ADAMTSL1: variants seen among roughly 807,000 people sequenced by gnomAD.
ADAMTSL1 encodes the protein ADAMTS-like protein 1.
In ADAMTSL1, 126 loss-of-function variants were observed where a neutral mutation model predicts 201.8. The ratio of observed to expected loss-of-function variants is 0.62; its 90% CI spans 0.54 to 0.72. The LOEUF is 0.72. ADAMTSL1 is among the 30% of genes least tolerant of loss of function. The probability of loss-of-function intolerance (pLI) is 0.00; values close to 1 mark genes in which losing one functional copy is unlikely to be tolerated. For missense variants in ADAMTSL1, 2,679 were observed against 2,277.8 expected (o/e 1.18, Z -3.59); for synonymous variants, 1,121 against 903.4 (o/e 1.24, Z -4.32).
At chr9:18,906,168 C>T (rs894875358) in intron 27 of ADAMTSL1, among the ~76,000 whole-genome samples, 1 of 152,186 alleles carries the variant, frequency 6.6e-6, no homozygotes, top group Admixed American at 6.5e-5. Context: ...CTCGAGAGAC[C>T]TGCACTAGCC....
intron 1 of ADAMTSL1, among the ~76,000 whole-genome samples, chr9:18,124,751 G>T (rs1376425317): frequency 6.6e-6 from 1 of 152,080 alleles, no homozygotes; most frequent in Non-Finnish European, 1.5e-5. Context: ...TTTAAGGCAA[G>T]GTATACTTGA....
intron 4 of ADAMTSL1, among the ~76,000 whole-genome samples, chr9:18,579,654 C>G (rs1032861552): frequency 1.3e-5 from 2 of 152,122 alleles, no homozygotes; most frequent in African/African-American, 2.4e-5. Context: ...GAAAGGGGCA[C>G]TGACTTCCCA....
At chr9:18,641,724 A>T (rs531406851) in intron 7 of ADAMTSL1, among the ~76,000 whole-genome samples, 32 of 152,124 alleles carry the variant, frequency 2.1e-4, no homozygotes, top group African/African-American at 7.7e-4. Context: ...TCTTTTTTCT[A>T]GTACTTCGTA....
chr9:18,891,441 C>T (rs961094811), intron 25 of ADAMTSL1, among the ~76,000 whole-genome samples: 1 of 152,204 alleles, frequency 6.6e-6, no homozygotes, highest in Admixed American at 6.5e-5. Flanking sequence ...CTCTCTCCTT[C>T]TCTTTGAGAA....
chr9:18,629,731 T>G (rs551633949), intron 5 of ADAMTSL1, among the ~76,000 whole-genome samples: 3 of 152,286 alleles, frequency 2.0e-5, no homozygotes, highest in Admixed American at 1.3e-4. Context: ...GTGTTAGTAT[T>G]AGCACAAAAT....
intron 1 of ADAMTSL1, among the ~76,000 whole-genome samples, chr9:18,160,828 T>C (rs1482984480): frequency 6.7e-6 from 1 of 148,368 alleles, no homozygotes; most frequent in Non-Finnish European, 1.5e-5. Flanking sequence ...TACCTGCACA[T>C]ACCACCATAC....
intron 15 of ADAMTSL1, among the ~76,000 whole-genome samples, chr9:18,730,168 T>C (rs904611979): frequency 1.1e-4 from 16 of 152,242 alleles, no homozygotes; most frequent in African/African-American, 3.1e-4. Flanking sequence ...CAAGATGCCT[T>C]CTTTGGAAAT....
chr9:18,644,665 A>G (rs1827672928), intron 7 of ADAMTSL1, among the ~76,000 whole-genome samples: 2 of 150,900 alleles, frequency 1.3e-5, no homozygotes, highest in African/African-American at 2.4e-5. Flanking sequence ...GCGATAGTTT[A>G]CTGAGAATGA....
chr9:18,298,025 G>A (rs76089075), intron 2 of ADAMTSL1, among the ~76,000 whole-genome samples: 1,946 of 152,268 alleles, frequency 0.013, 40 homozygotes, highest in African/African-American at 0.045. Flanking sequence ...CAGACCTGCA[G>A]GTTTGAATTA....
chr9:18,298,871 C>G (rs961926669), intron 2 of ADAMTSL1, among the ~76,000 whole-genome samples: 54 of 151,742 alleles, frequency 3.6e-4, no homozygotes, highest in African/African-American at 1.3e-3. Context: ...ATCAGCCGGT[C>G]GTGGTGGCGG....
At chr9:18,285,968 A>T (rs1832977775) in intron 2 of ADAMTSL1, among the ~76,000 whole-genome samples, 1 of 152,062 alleles carries the variant, frequency 6.6e-6, no homozygotes, top group South Asian at 2.1e-4. Context: ...CATCACTCCC[A>T]AAAGAAACTC....
intron 1 of ADAMTSL1, among the ~76,000 whole-genome samples, chr9:18,043,813 G>A (rs1382276712): frequency 6.6e-6 from 1 of 151,760 alleles, no homozygotes; most frequent in African/African-American, 2.4e-5. Context: ...TTATACGTAG[G>A]TACAATGTAT....
intron 2 of ADAMTSL1, among the ~76,000 whole-genome samples, chr9:18,465,470 G>A (rs1040558661): frequency 6.6e-6 from 1 of 152,120 alleles, no homozygotes; most frequent in Non-Finnish European, 1.5e-5. Context: ...GTTCTAGATG[G>A]CTGCTCCAGC....
intron 1 of ADAMTSL1, among the ~76,000 whole-genome samples, chr9:17,937,731 C>G (rs533464160): frequency 6.6e-6 from 1 of 152,234 alleles, no homozygotes; most frequent in South Asian, 2.1e-4. Flanking sequence ...CTCTCTCTTG[C>G]TTAAAATAAA....
intron 1 of ADAMTSL1, among the ~76,000 whole-genome samples, chr9:18,042,722 T>A (rs1278092389): frequency 1.3e-5 from 2 of 152,162 alleles, no homozygotes; most frequent in African/African-American, 4.8e-5. Flanking sequence ...TTTGTGGAAA[T>A]TAAACTCATG....
chr9:17,946,868 T>G (rs78942684), intron 1 of ADAMTSL1, among the ~76,000 whole-genome samples: 1,857 of 152,250 alleles, frequency 0.012, 33 homozygotes, highest in African/African-American at 0.043. Context: ...ATTGATTGCA[T>G]TTTGATTATT....
At chr9:18,102,611 T>G (rs1564001720) in intron 1 of ADAMTSL1, among the ~76,000 whole-genome samples, 1 of 152,300 alleles carries the variant, frequency 6.6e-6, no homozygotes, top group South Asian at 2.1e-4. Flanking sequence ...GAGCAGGTCA[T>G]GAAGAAAGAA....
At chr9:18,323,257 T>A (rs1834697154) in intron 2 of ADAMTSL1, among the ~76,000 whole-genome samples, 1 of 152,154 alleles carries the variant, frequency 6.6e-6, no homozygotes, top group Non-Finnish European at 1.5e-5. Flanking sequence ...CAATGTGGCA[T>A]ACCACAATAA....
chr9:18,367,259 C>G (rs1038398172), intron 2 of ADAMTSL1, among the ~76,000 whole-genome samples: 1 of 152,130 alleles, frequency 6.6e-6, no homozygotes, highest in Non-Finnish European at 1.5e-5. Context: ...ATCTAAGATA[C>G]AATTCCCAGG....
Sources: gnomAD v4.1 joint callset for allele counts (sites outside exome capture counted in the v4.1 genomes callset) on GRCh38, gnomAD v4.1.1 for gene constraint, MANE v1.5 for transcripts, NCBI Gene and HGNC (gene_info 2026-07-23, HGNC 2026-07-21) for gene names.